The following KCNT2 variants were observed in gnomAD, a reference collection of about 807,000 sequenced individuals.
KCNT2 encodes the protein potassium sodium-activated channel subfamily T member 2.
Under a neutral mutation model 153.8 loss-of-function variants are expected in KCNT2, and 67 were observed. The ratio of observed to expected loss-of-function variants is 0.44; its 90% CI spans 0.36 to 0.53. The LOEUF is 0.53. Ranked by LOEUF, KCNT2 falls within the 20% of genes least tolerant of loss-of-function variation. KCNT2 has a pLI of 0.00. For synonymous variants in KCNT2, 500 were observed against 458.8 expected (o/e 1.09, Z -1.15); for missense variants, 975 against 1,354.8 (o/e 0.72, Z 4.40).
intron 1 of KCNT2, among the ~76,000 whole-genome samples, chr1:196,551,235 C>T (rs184658066): frequency 5.9e-5 from 9 of 151,820 alleles, no homozygotes; most frequent in African/African-American, 2.2e-4. Flanking sequence ...TTGTTTTCAT[C>T]GGATTGTAAC....
chr1:196,315,363 A>G (rs1662607312), intron 21 of KCNT2, among the ~76,000 whole-genome samples: 1 of 151,664 alleles, frequency 6.6e-6, no homozygotes, highest in Admixed American at 6.6e-5. Context: ...AAAGACAACC[A>G]TAATGGGGAT....
chr1:196,386,554 G>T (rs976296222), intron 13 of KCNT2, among the ~76,000 whole-genome samples: 2 of 151,956 alleles, frequency 1.3e-5, no homozygotes, highest in Non-Finnish European at 2.9e-5. Context: ...AGTTAATATT[G>T]CCCATTTCTT....
intron 3 of KCNT2, among the ~76,000 whole-genome samples, chr1:196,483,128 A>T (rs953535433): frequency 5.9e-5 from 9 of 152,182 alleles, no homozygotes; most frequent in Non-Finnish European, 8.8e-5. Context: ...GAAGAGAGGC[A>T]GGTGAATGGT....
chr1:196,414,552 G>A (rs1056381916), intron 12 of KCNT2, among the ~76,000 whole-genome samples: 2 of 151,788 alleles, frequency 1.3e-5, no homozygotes, highest in African/African-American at 4.8e-5. Flanking sequence ...TTCAAACGAA[G>A]TAAAAGTTTT....
rs2148117414 is a variant in KCNT2, at chr1:196,333,972, T to C, written c.1872A>G (p.Ile624Met). 1 of 1,613,172 alleles carries C rather than the reference T, an allele frequency of 6.2e-7. No individual in the cohort carries two copies. The highest frequency in any genetic ancestry group is 8.5e-7 in the Non-Finnish European group (1 of 1,179,488). Reference protein sequence around the residue: ...LSLPTEGSKEIRRPSIAPVLE... With the variant: ...LSLPTEGSKEMRRPSIAPVLE... Reference sequence around the variant, plus strand: ...AAACAGGAGCAATGCTAGGTCTTCTTATTTCTTTGCTTCCCTCTGTAGGAA... The same window carrying C: ...AAACAGGAGCAATGCTAGGTCTTCTCATTTCTTTGCTTCCCTCTGTAGGAA... Residue 624 changes from isoleucine (I) to methionine (M), a missense_variant, in exon 17 of 28, where the codon ATA becomes ATG. By Grantham distance (10) the Ile-to-Met change is conservative. Transcript: ENST00000294725.
intron 11 of KCNT2, among the ~76,000 whole-genome samples, chr1:196,424,333 A>T (rs974135162): frequency 2.0e-5 from 3 of 151,998 alleles, no homozygotes; most frequent in Admixed American, 6.6e-5. Flanking sequence ...CATAATATGA[A>T]TGTTATTCAT....
intron 1 of KCNT2, among the ~76,000 whole-genome samples, chr1:196,499,884 C>G (rs1680534369): frequency 6.6e-6 from 1 of 152,070 alleles, no homozygotes; most frequent in Non-Finnish European, 1.5e-5. Flanking sequence ...TGGCTCATGT[C>G]TGTAATCCCA....
At chr1:196,451,182 C>T (rs11810886) in intron 8 of KCNT2, among the ~76,000 whole-genome samples, 12,236 of 137,148 alleles carry the variant, frequency 0.089, 1,763 homozygotes, top group African/African-American at 0.3. Flanking sequence ...TAAATATTCG[C>T]ATTGTTAGTG....
intron 8 of KCNT2, among the ~76,000 whole-genome samples, chr1:196,454,957 T>C (rs1485335000): frequency 6.6e-6 from 1 of 151,946 alleles, no homozygotes; most frequent in African/African-American, 2.4e-5. Flanking sequence ...TGCAGTTCAG[T>C]TCCATGTGAT....
rs1675918828 is a variant in KCNT2, at chr1:196,448,894, T to C, written c.638+16399A>G. On this transcript the variant is annotated intron_variant, in intron 8 of 27. Coordinates refer to ENST00000294725, the MANE Select transcript of KCNT2 (RefSeq NM_198503.5). ...AAATAAAACCTAAGAAGAACAATCA[T>C]TTTTTTAAACTAAAAATATTTCCCC... 2.0e-5 allele frequency among the ~76,000 whole-genome samples: 3 copies of C among 151,670 alleles called. 1 individual carries two copies. The highest frequency in any genetic ancestry group is 4.1e-4 in the South Asian group (2 of 4,826).
At chr1:196,487,194 A>T (rs1679491655) in intron 3 of KCNT2, among the ~76,000 whole-genome samples, 1 of 151,972 alleles carries the variant, frequency 6.6e-6, no homozygotes. Context: ...GTGTCAAGGT[A>T]TGATGATATA....
At chr1:196,452,084 T>C (rs919272031) in intron 8 of KCNT2, among the ~76,000 whole-genome samples, 2 of 151,974 alleles carry the variant, frequency 1.3e-5, no homozygotes, top group Non-Finnish European at 2.9e-5. Context: ...ACTTAAGAGA[T>C]CCCTCTATAA....
At chr1:196,309,731 C>T (rs1661981972) in intron 21 of KCNT2, among the ~76,000 whole-genome samples, 1 of 151,696 alleles carries the variant, frequency 6.6e-6, no homozygotes, top group African/African-American at 2.4e-5. Flanking sequence ...ATTTAGTCTC[C>T]TTTGAAACAC....
intron 1 of KCNT2, among the ~76,000 whole-genome samples, chr1:196,544,424 T>C (rs1656798551): frequency 6.6e-6 from 1 of 152,024 alleles, no homozygotes; most frequent in South Asian, 2.1e-4. Context: ...AACGAATGTT[T>C]ACTCTATTCT....
chr1:196,535,254 C>G (rs1020838698), intron 1 of KCNT2, among the ~76,000 whole-genome samples: 1 of 152,158 alleles, frequency 6.6e-6, no homozygotes, highest in South Asian at 2.1e-4. Flanking sequence ...GTGGTCAACA[C>G]CATCTCATTT....
intron 23 of KCNT2, among the ~76,000 whole-genome samples, chr1:196,285,025 A>G (rs1659527141): frequency 6.6e-6 from 1 of 152,248 alleles, no homozygotes; most frequent in Non-Finnish European, 1.5e-5. Context: ...TTGAATCAGA[A>G]AAAATGAGAT....
chr1:196,537,883 C>T (rs1278077143), intron 1 of KCNT2, among the ~76,000 whole-genome samples: 1 of 152,210 alleles, frequency 6.6e-6, no homozygotes. Context: ...CCTTCCCCTT[C>T]TTTACGGTGT....
In KCNT2 at chr1:196,341,592, CT is replaced by C. The variant is rs374390381; in HGVS notation, c.1553+486del. On this transcript the variant is annotated intron_variant, in intron 15 of 27. Transcript: ENST00000294725. ...TACATTTTTACTTCTTAAGTAAATC[CT>C]TTTTTTTTCCAAAAAGGAAAAGAAA... 8.7e-5 allele frequency among the ~76,000 whole-genome samples: 13 copies of C among 148,976 alleles called. No homozygotes were observed. The East Asian group carries it at 1.4e-3, about 16-fold the overall frequency.
intron 20 of KCNT2, among the ~76,000 whole-genome samples, 180 bp from the exon 21 acceptor site, chr1:196,316,206 A>C (rs1056712161): frequency 6.6e-6 from 1 of 151,904 alleles, no homozygotes; most frequent in South Asian, 2.1e-4. Flanking sequence ...CCAATATGAA[A>C]TAATTTTTAT....
Sources: gnomAD v4.1 joint callset for allele counts (sites outside exome capture counted in the v4.1 genomes callset) on GRCh38, gnomAD v4.1.1 for gene constraint, MANE v1.5 for transcripts, NCBI Gene and HGNC (gene_info 2026-07-23, HGNC 2026-07-21) for gene names.